Variants in SLC4A8 observed in about 807,000 individuals in gnomAD.
SLC4A8 encodes electroneutral sodium bicarbonate exchanger 1.
SLC4A8 carries 40 observed loss-of-function variants against 125.0 expected under a neutral mutation model. That is an observed-to-expected ratio of 0.32 (90% CI 0.25 to 0.42). SLC4A8 has a LOEUF of 0.42. SLC4A8 is among the 10% of genes least tolerant of loss of function. The pLI is 1.00. For missense variants in SLC4A8, 863 were observed against 1,355.1 expected (o/e 0.64, Z 5.70); for synonymous variants, 456 against 476.0 (o/e 0.96, Z 0.55).
At chr12:51,424,039 AAAAAAAAAAAAAAACAAAAAAAACAAC>A (rs1210214311), upstream of SLC4A8, among the ~76,000 whole-genome samples, 1 of 43,836 alleles carries the variant, frequency 2.3e-5, no homozygotes, top group Non-Finnish European at 5.2e-5. Context: ...TTCGTCTCCA[AAAAAAAAAAAAAAACAAAAAAAACAAC>A]AAAAAAAAAA....
chr12:51,398,168 G>A (rs1948301740), intron 1 of SLC4A8, among the ~76,000 whole-genome samples: 1 of 152,160 alleles, frequency 6.6e-6, no homozygotes, highest in African/African-American at 2.4e-5. Context: ...TTGCAAGTCT[G>A]TCTCTCCATT....
intron 1 of SLC4A8, among the ~76,000 whole-genome samples, chr12:51,433,416 T>A (rs539556875): frequency 2.0e-5 from 3 of 152,272 alleles, no homozygotes; most frequent in Non-Finnish European, 4.4e-5. Flanking sequence ...CCTTCCTTCC[T>A]TTCCTTTTTC....
At chr12:51,494,760 A>G (rs1951417727) in intron 20 of SLC4A8, 185 bp from the exon 21 acceptor site, 1 of 476,950 alleles carries the variant, frequency 2.1e-6, no homozygotes, top group Non-Finnish European at 3.7e-6. Flanking sequence ...TCAAATTTTG[A>G]CTTTGCCACT....
At chr12:51,401,813 T>C (rs898967467) in intron 1 of SLC4A8, among the ~76,000 whole-genome samples, 1 of 152,092 alleles carries the variant, frequency 6.6e-6, no homozygotes, top group Non-Finnish European at 1.5e-5. Flanking sequence ...AGCACTTCCC[T>C]GCCCCACTCC....
At chr12:51,410,011 G>A (rs1375170606) in intron 1 of SLC4A8, among the ~76,000 whole-genome samples, 2 of 152,234 alleles carry the variant, frequency 1.3e-5, no homozygotes, top group African/African-American at 4.8e-5. Context: ...CCTGGTTGGC[G>A]TCAGTCTGAC....
intron 1 of SLC4A8, among the ~76,000 whole-genome samples, chr12:51,427,307 A>G (rs1376102205): frequency 6.6e-6 from 1 of 152,166 alleles, no homozygotes; most frequent in Non-Finnish European, 1.5e-5. Context: ...GTGAGGATAC[A>G]GTGTCCTTAA....
intron 1 of SLC4A8, among the ~76,000 whole-genome samples, chr12:51,397,521 T>G (rs1948287300): frequency 6.6e-6 from 1 of 152,096 alleles, no homozygotes; most frequent in Non-Finnish European, 1.5e-5. Context: ...GGGGAATATA[T>G]TATTTTTCCT....
intron 1 of SLC4A8, among the ~76,000 whole-genome samples, chr12:51,400,415 G>A (rs1368021665): frequency 6.6e-6 from 1 of 152,074 alleles, no homozygotes; most frequent in Non-Finnish European, 1.5e-5. Context: ...GTGTATAGAT[G>A]TGTATAGGTT....
chr12:51,424,037 C>CAAAAAAAAAAAAAAAAAAAAAAAAA (rs35611847), upstream of SLC4A8, among the ~76,000 whole-genome samples: 4 of 38,172 alleles, frequency 1.0e-4, no homozygotes, highest in Non-Finnish European at 1.4e-4. Context: ...ACTTCGTCTC[C>CAAAAAAAAAAAAAAAAAAAAAAAAA]AAAAAAAAAA....
chr12:51,405,133 G>A (rs1948461718), intron 1 of SLC4A8, among the ~76,000 whole-genome samples: 1 of 152,192 alleles, frequency 6.6e-6, no homozygotes, highest in Non-Finnish European at 1.5e-5. Flanking sequence ...ACAGTGGGGA[G>A]GTGGGAACAC....
chr12:51,429,156 C>T (rs1262783713), intron 1 of SLC4A8, among the ~76,000 whole-genome samples: 1 of 152,184 alleles, frequency 6.6e-6, no homozygotes, highest in Non-Finnish European at 1.5e-5. Flanking sequence ...AGGTGATCCA[C>T]CTGCCTCGGC....
Position 51,510,348 on chromosome 12 carries a change from CG to C in SLC4A8, c.*2913del, listed in dbSNP as rs1175697295. 1 of 140,478 alleles carries C rather than the reference CG, an allele frequency of 7.1e-6. No individual in the cohort carries two copies. The highest frequency in any genetic ancestry group is 1.5e-5 in the Non-Finnish European group (1 of 66,122). 8.7% of individuals were successfully genotyped at this position (140,478 alleles called of 1,614,324 possible). A position where few individuals can be genotyped will look rare whatever the true frequency, so the allele number is the denominator to read the frequency against. On this transcript the variant is annotated 3_prime_UTR_variant, in exon 25 of 25. Coordinates refer to ENST00000453097, the MANE Select transcript of SLC4A8 (RefSeq NM_001039960.3). Reference sequence around the variant, plus strand: ...AGGCTGAGGCAGAATGGCGTGAACGCGGGAGGCAGAGCTTGCAGTGAGCCGA... The same window carrying C: ...AGGCTGAGGCAGAATGGCGTGAACGCGGAGGCAGAGCTTGCAGTGAGCCGA...
At chr12:51,395,997 C>T (rs913952594) in intron 1 of SLC4A8, among the ~76,000 whole-genome samples, 3 of 152,172 alleles carry the variant, frequency 2.0e-5, no homozygotes, top group African/African-American at 7.2e-5. Flanking sequence ...TTTAGGGAAC[C>T]CAAGCAGAGC....
intron 16 of SLC4A8, 148 bp downstream of exon 16, chr12:51,475,354 C>A: frequency 1.4e-6 from 1 of 739,314 alleles, no homozygotes. Context: ...CTCCTAGTGT[C>A]TGGCAGCCTC....
At chr12:51,401,601 C>T (rs530449202) in intron 1 of SLC4A8, among the ~76,000 whole-genome samples, 6 of 152,272 alleles carry the variant, frequency 3.9e-5, no homozygotes, top group African/African-American at 1.4e-4. Context: ...CTGATCTGTT[C>T]CTCTTGACGT....
chr12:51,474,268 A>G (rs1950797067), intron 14 of SLC4A8, 74 bp from the exon 15 acceptor site: 1 of 984,798 alleles, frequency 1.0e-6, no homozygotes, highest in Non-Finnish European at 1.5e-6. Context: ...CAGCCTTTAA[A>G]CCAGTTGTTC....
chr12:51,501,483 A>G (rs900115032), intron 22 of SLC4A8, among the ~76,000 whole-genome samples: 7 of 152,166 alleles, frequency 4.6e-5, no homozygotes, highest in Non-Finnish European at 8.8e-5. Flanking sequence ...CAAAGGACAT[A>G]GTTTTGTTCT....
At chr12:51,447,460 G>A (rs75133232) in intron 2 of SLC4A8, among the ~76,000 whole-genome samples, 7,930 of 152,168 alleles carry the variant, frequency 0.052, 309 homozygotes, top group Non-Finnish European at 0.079. Flanking sequence ...TACCAAGAAG[G>A]AAGATGCATC....
At chr12:51,414,729 C>T (rs1194898747) in intron 1 of SLC4A8, among the ~76,000 whole-genome samples, 1 of 152,146 alleles carries the variant, frequency 6.6e-6, no homozygotes, top group Admixed American at 6.5e-5. Context: ...AGTGGACATC[C>T]TTGTCTTATT....
Sources: allele counts gnomAD v4.1 joint callset (sites outside exome capture counted in the v4.1 genomes callset), GRCh38; gene constraint gnomAD v4.1.1; transcripts MANE v1.5; gene names NCBI Gene and HGNC (gene_info 2026-07-23, HGNC 2026-07-21).